The following AGBL4 variants were observed in gnomAD, a reference collection of about 807,000 sequenced individuals.
AGBL4 encodes the protein cytosolic carboxypeptidase 6.
A neutral mutation model predicts 66.4 loss-of-function variants in AGBL4; 58 were observed. The ratio of observed to expected loss-of-function variants is 0.87; its 90% confidence interval spans 0.71 to 1.09. The LOEUF is 1.09. Among genes scored for constraint, AGBL4 ranks in the 50% least tolerant of loss-of-function variants. The pLI is 0.00. For synonymous variants in AGBL4, 234 were observed against 222.9 expected, an observed-to-expected ratio of 1.05 and a Z score of -0.44; for missense variants, 579 against 631.0, an observed-to-expected ratio of 0.92 and a Z score of 0.88.
chr1:49,331,789 T>C (rs1454923488), intron 3 of AGBL4, among the ~76,000 whole-genome samples: 1 of 151,960 alleles, frequency 6.6e-6, no homozygotes, highest in Non-Finnish European at 1.5e-5. Context: ...AACACAGCAC[T>C]GAACCTTTTA....
intron 2 of AGBL4, among the ~76,000 whole-genome samples, chr1:49,748,009 T>C (rs1651131295): frequency 6.6e-6 from 1 of 151,942 alleles, no homozygotes; most frequent in South Asian, 2.1e-4. Context: ...TACTTTTTAC[T>C]TTTTTAATTA....
At chr1:49,663,396 C>T (rs978300965) in intron 3 of AGBL4, among the ~76,000 whole-genome samples, 9 of 151,994 alleles carry the variant, frequency 5.9e-5, no homozygotes, top group Admixed American at 2.6e-4. Flanking sequence ...AAAAGTGGGT[C>T]GGATTTTTCA....
intron 1 of AGBL4, among the ~76,000 whole-genome samples, chr1:49,962,111 G>C (rs1657165857): frequency 6.6e-6 from 1 of 152,106 alleles, no homozygotes; most frequent in Non-Finnish European, 1.5e-5. Context: ...ATTTTAACCT[G>C]CATTAATTAT....
chr1:49,120,577 T>C (rs915923388), intron 4 of AGBL4, among the ~76,000 whole-genome samples: 1 of 152,368 alleles, frequency 6.6e-6, no homozygotes, highest in Non-Finnish European at 1.5e-5. Flanking sequence ...GTTAGTCTGA[T>C]GGGTTTCCCT....
chr1:49,483,250 C>A (rs747294138), intron 3 of AGBL4, among the ~76,000 whole-genome samples: 1 of 151,986 alleles, frequency 6.6e-6, no homozygotes, highest in Non-Finnish European at 1.5e-5. Context: ...GGGTCTAAAT[C>A]TCTTTGAGGA....
At chr1:49,219,326 T>C (rs1228497266) in intron 4 of AGBL4, among the ~76,000 whole-genome samples, 4 of 152,174 alleles carry the variant, frequency 2.6e-5, no homozygotes, top group African/African-American at 9.6e-5. Flanking sequence ...TTCAGGAAAA[T>C]CTAATATCCA....
chr1:49,711,987 A>C (rs1480625578), intron 2 of AGBL4, among the ~76,000 whole-genome samples: 1 of 151,974 alleles, frequency 6.6e-6, no homozygotes, highest in African/African-American at 2.4e-5. Flanking sequence ...CAATTTACTG[A>C]CTATAATGGG....
intron 1 of AGBL4, among the ~76,000 whole-genome samples, chr1:49,899,204 C>T (rs1649522794): frequency 6.6e-6 from 1 of 151,990 alleles, no homozygotes; most frequent in Non-Finnish European, 1.5e-5. Flanking sequence ...GATTATGACA[C>T]ATTGCATGCC....
chr1:49,442,233 C>T (rs908198708), intron 3 of AGBL4, among the ~76,000 whole-genome samples: 2 of 152,048 alleles, frequency 1.3e-5, no homozygotes, highest in African/African-American at 2.4e-5. Flanking sequence ...TCAAAAGCTG[C>T]CTCATGGTTT....
At chr1:49,693,703 A>T (rs866487393) in intron 3 of AGBL4, among the ~76,000 whole-genome samples, 2 of 152,098 alleles carry the variant, frequency 1.3e-5, no homozygotes, top group Non-Finnish European at 2.9e-5. Flanking sequence ...TGGGAAAAAT[A>T]ACTTCAAAAA....
intron 1 of AGBL4, among the ~76,000 whole-genome samples, chr1:49,923,141 T>C (rs1652431208): frequency 6.6e-6 from 1 of 151,844 alleles, no homozygotes; most frequent in Non-Finnish European, 1.5e-5. Context: ...TGGAACAAAA[T>C]AGAAACCAAG....
intron 11 of AGBL4, among the ~76,000 whole-genome samples, chr1:48,575,478 T>C (rs749025057): frequency 6.6e-6 from 1 of 152,178 alleles, no homozygotes; most frequent in Non-Finnish European, 1.5e-5. Context: ...GCTGCCACAG[T>C]GACCTCCAGG....
chr1:49,482,430 G>T lies in AGBL4; in HGVS notation c.282+214883C>A, dbSNP rs183883247. Among the ~76,000 whole-genome samples the T allele has an allele frequency of 1.5e-3, 234 of 151,970 alleles. 5 individuals carry two copies. The highest frequency in any genetic ancestry group is 1.2e-3 in the South Asian group (6 of 4,814). ...GATTATCTAGTTTATGTGTCCATAG[G>T]GGTTTATAATATTCCTGTTTATATT... On this transcript the variant is annotated intron_variant, in intron 3 of 13. Coordinates refer to ENST00000371839, the MANE Select transcript of AGBL4 (RefSeq NM_032785.4).
intron 2 of AGBL4, among the ~76,000 whole-genome samples, chr1:49,826,181 A>C (rs1645505556): frequency 6.6e-6 from 1 of 152,176 alleles, no homozygotes; most frequent in Non-Finnish European, 1.5e-5. Context: ...AATTAATAAA[A>C]AACAAAAACC....
chr1:49,110,260 T>C (rs1420032378), intron 4 of AGBL4, among the ~76,000 whole-genome samples: 1 of 152,198 alleles, frequency 6.6e-6, no homozygotes, highest in Non-Finnish European at 1.5e-5. Context: ...AATGAATTCT[T>C]CCACCTACCT....
intron 4 of AGBL4, among the ~76,000 whole-genome samples, chr1:49,095,280 A>G (rs1266081313): frequency 6.6e-6 from 1 of 152,228 alleles, no homozygotes; most frequent in African/African-American, 2.4e-5. Flanking sequence ...TACAGATTCA[A>G]TGCCATCCCC....
intron 1 of AGBL4, among the ~76,000 whole-genome samples, chr1:49,860,077 A>G (rs1646530925): frequency 6.6e-6 from 1 of 152,258 alleles, no homozygotes; most frequent in Non-Finnish European, 1.5e-5. Context: ...AGGTCTAAAT[A>G]AAGGGAGAAA....
chr1:49,437,171 T>G (rs889838219), intron 3 of AGBL4, among the ~76,000 whole-genome samples: 1 of 152,166 alleles, frequency 6.6e-6, no homozygotes, highest in African/African-American at 2.4e-5. Context: ...TACCCTGCTT[T>G]TTTCCATTAT....
At chr1:48,575,788 T>C (rs1435055915) in intron 11 of AGBL4, among the ~76,000 whole-genome samples, 1 of 152,194 alleles carries the variant, frequency 6.6e-6, no homozygotes, top group Non-Finnish European at 1.5e-5. Context: ...TTCCCATCTG[T>C]CACAACTGTC....
Sources: gnomAD v4.1 joint callset for allele counts (sites outside exome capture counted in the v4.1 genomes callset) on GRCh38, gnomAD v4.1.1 for gene constraint, MANE v1.5 for transcripts, NCBI Gene and HGNC (gene_info 2026-07-23, HGNC 2026-07-21) for gene names.